ZFAT: variants seen among roughly 807,000 people sequenced by gnomAD.
The protein encoded by ZFAT is zinc finger and AT-hook domain containing.
Under a neutral mutation model 117.7 loss-of-function variants are expected in ZFAT, and 64 were observed. The observed-to-expected ratio is 0.54, with a 90% CI of 0.44 to 0.67. ZFAT has a LOEUF of 0.67. Ranked by LOEUF, ZFAT falls within the 30% of genes least tolerant of loss-of-function variation. The probability of loss-of-function intolerance (pLI) is 0.00; values close to 1 mark genes in which losing one functional copy is unlikely to be tolerated. For missense variants in ZFAT, 1,433 were observed against 1,584.5 expected, an observed-to-expected ratio of 0.90 and a Z score of 1.62; for synonymous variants, 679 against 615.0, an observed-to-expected ratio of 1.10 and a Z score of -1.54.
intron 3 of ZFAT, among the ~76,000 whole-genome samples, chr8:134,624,431 A>C (rs1005672104): frequency 6.6e-6 from 1 of 151,954 alleles, no homozygotes; most frequent in Admixed American, 6.5e-5. Context: ...CAAGGCGAGC[A>C]GATCACCTGA....
At chr8:134,692,285 T>C (rs1833621880) in intron 1 of ZFAT, among the ~76,000 whole-genome samples, 1 of 152,156 alleles carries the variant, frequency 6.6e-6, no homozygotes, top group Admixed American at 6.5e-5. Context: ...TCTTCATCTA[T>C]AAAATGGGAA....
intron 3 of ZFAT, among the ~76,000 whole-genome samples, chr8:134,619,559 G>A (rs1232445533): frequency 6.6e-6 from 1 of 152,136 alleles, no homozygotes; most frequent in Admixed American, 6.5e-5. Flanking sequence ...TCCCCTAGAT[G>A]GATGTAAGTT....
intron 15 of ZFAT, among the ~76,000 whole-genome samples, chr8:134,497,340 GA>G (rs1818525319): frequency 6.6e-6 from 1 of 152,184 alleles, no homozygotes; most frequent in East Asian, 1.9e-4. Context: ...CTGTGAGCCA[GA>G]GGAGGGGGAC....
the ZFAT span, among the ~76,000 whole-genome samples, chr8:134,750,935 A>G: frequency 6.6e-6 from 1 of 152,228 alleles, no homozygotes; most frequent in Non-Finnish European, 1.5e-5. Context: ...TTCTAGCTAC[A>G]AAGGAGATAT....
rs1827348929 is a variant in ZFAT at position 134,600,644 on chromosome 8, T to C, written c.2267A>G (p.His756Arg). ...GTGGGTGCGGACATGCATATCAAAATGCACTTGGTACCAAAAAAGTTTGCC... is the reference window on the plus strand; with the variant it reads ...GTGGGTGCGGACATGCATATCAAAACGCACTTGGTACCAAAAAAGTTTGCC... ...YCGKLFWYQV[H>R]FDMHVRTHTR... Residue 756 changes from histidine to arginine, a missense_variant, in exon 7 of 16, where the codon CAT becomes CGT. His to Arg is a conservative substitution (Grantham distance 29, BLOSUM62 0). Coordinates refer to ENST00000377838, the MANE Select transcript of ZFAT (RefSeq NM_020863.4). 3 of 1,599,484 alleles carry C rather than the reference T, an allele frequency of 1.9e-6. No individual in the cohort carries two copies. Among genetic ancestry groups the C allele is most frequent in the South Asian group, 2.2e-5 (2 of 89,854 alleles).
the ZFAT span, among the ~76,000 whole-genome samples, chr8:134,774,820 C>T: frequency 6.6e-6 from 1 of 152,196 alleles, no homozygotes; most frequent in Non-Finnish European, 1.5e-5. Context: ...AATGAACTTT[C>T]TTTAGAACAC....
chr8:134,754,837 C>T, the ZFAT span, among the ~76,000 whole-genome samples: 9 of 150,688 alleles, frequency 6.0e-5, no homozygotes, highest in African/African-American at 2.0e-4. Context: ...GGTGAGATCT[C>T]GGCAATGACA....
chr8:134,730,932 G>A, the ZFAT span, among the ~76,000 whole-genome samples: 3 of 152,210 alleles, frequency 2.0e-5, no homozygotes, highest in African/African-American at 4.8e-5. Flanking sequence ...ATGAAGAAAA[G>A]CTCCTAAGAG....
intron 2 of ZFAT, among the ~76,000 whole-genome samples, chr8:134,643,532 T>C (rs942773565): frequency 3.9e-5 from 6 of 151,906 alleles, no homozygotes; most frequent in Non-Finnish European, 7.4e-5. Context: ...TCAGAACCTA[T>C]GAAAAAGGTC....
intron 8 of ZFAT, among the ~76,000 whole-genome samples, 190 bp from the exon 9 acceptor site, chr8:134,588,585 T>A (rs907156650): frequency 3.9e-5 from 6 of 152,144 alleles, no homozygotes; most frequent in Non-Finnish European, 8.8e-5. Context: ...TCTGTTAACA[T>A]CATGTATGAG....
rs529631591 is a variant in ZFAT at position 134,704,126 on chromosome 8, C to G, written c.19+8719G>C. Among the ~76,000 whole-genome samples the G allele has an allele frequency of 5.3e-4, 81 of 152,262 alleles. 1 individual carries two copies. The highest frequency in any genetic ancestry group is 1.8e-3 in the African/African-American group (73 of 41,546). ...GGACTTCACCCAGTTCTGCTTCCCC[C>G]CAGGGCCCCTTTTCCCTGCATTACC... is the stretch of plus-strand genomic sequence containing the variant. On this transcript the variant is annotated intron_variant, in intron 1 of 15. Coordinates refer to ENST00000377838, the MANE Select transcript of ZFAT (RefSeq NM_020863.4).
At chr8:134,668,318 C>G (rs908823060) in intron 1 of ZFAT, among the ~76,000 whole-genome samples, 2 of 152,238 alleles carry the variant, frequency 1.3e-5, no homozygotes, top group African/African-American at 2.4e-5. Context: ...AAGTGGGTCC[C>G]TGACCCCTGA....
chr8:134,620,360 G>A (rs140821814), intron 3 of ZFAT, among the ~76,000 whole-genome samples: 6 of 152,300 alleles, frequency 3.9e-5, no homozygotes, highest in African/African-American at 7.2e-5. Context: ...GCAGATGAAC[G>A]GCCCCACTCC....
rs1821776273 is a variant in ZFAT, at chr8:134,535,575, C to T, written c.2977-2603G>A. ...TCTAAAACATTCCCCAGGGACTTCG[C>T]CCTACACCAAGGCCACACTCTGGTT... On this transcript the variant is annotated intron_variant, in intron 11 of 15. Transcript: ENST00000377838. 2.0e-5 allele frequency among the ~76,000 whole-genome samples: 3 copies of T among 149,984 alleles called. No homozygotes were observed. In the South Asian group the frequency reaches 6.4e-4, roughly 32 times the overall value.
chr8:134,743,714 G>C, the ZFAT span, among the ~76,000 whole-genome samples: 1 of 152,076 alleles, frequency 6.6e-6, no homozygotes, highest in African/African-American at 2.4e-5. Flanking sequence ...GAGGGGAAGA[G>C]GGGGTTTGGA....
chr8:134,574,375 T>C (rs1825154045), intron 10 of ZFAT, among the ~76,000 whole-genome samples: 1 of 152,078 alleles, frequency 6.6e-6, no homozygotes, highest in Non-Finnish European at 1.5e-5. Flanking sequence ...CCGTGGGATC[T>C]ATGAAGCCCC....
chr8:134,792,002 A>C, the ZFAT span: 2 of 152,236 alleles, frequency 1.3e-5, no homozygotes, highest in African/African-American at 4.8e-5. Flanking sequence ...AAATGAAAAA[A>C]ACACCAAACT....
chr8:134,553,390 C>A (rs1406570830), intron 11 of ZFAT, among the ~76,000 whole-genome samples: 1 of 152,150 alleles, frequency 6.6e-6, no homozygotes, highest in Non-Finnish European at 1.5e-5. Flanking sequence ...GTAATCCCAG[C>A]TACTCAGGAG....
intron 11 of ZFAT, among the ~76,000 whole-genome samples, chr8:134,545,432 A>G (rs1024551092): frequency 6.6e-6 from 1 of 152,138 alleles, no homozygotes; most frequent in African/African-American, 2.4e-5. Context: ...AGGTGAGAGG[A>G]TCCCTGGAGC....
Sources: gnomAD v4.1 joint callset for allele counts (sites outside exome capture counted in the v4.1 genomes callset) on GRCh38, gnomAD v4.1.1 for gene constraint, MANE v1.5 for transcripts, NCBI Gene and HGNC (gene_info 2026-07-23, HGNC 2026-07-21) for gene names.